The following PREP variants were observed in gnomAD, a reference collection of about 807,000 sequenced individuals.
The protein encoded by PREP is prolyl endopeptidase, also known as dJ355L5.1 (prolyl endopeptidase).
In PREP, 29 loss-of-function variants were observed where a neutral mutation model predicts 87.6. The observed-to-expected ratio is 0.33, with a 90% CI of 0.25 to 0.45. PREP has a LOEUF of 0.45. PREP is among the 20% of genes least tolerant of loss of function. PREP has a pLI of 1.00. For synonymous variants in PREP, 337 were observed against 328.6 expected (o/e 1.03, Z -0.28); for missense variants, 695 against 886.5 (o/e 0.78, Z 2.74).
At chr6:105,395,899 C>T (rs145710696) in intron 2 of PREP, among the ~76,000 whole-genome samples, 2 of 152,304 alleles carry the variant, frequency 1.3e-5, no homozygotes, top group East Asian at 3.9e-4. Context: ...TGCTTTCTAG[C>T]CAGTACAGGT....
At chr6:105,361,966 A>G (rs1318227999) in intron 6 of PREP, among the ~76,000 whole-genome samples, 2 of 152,228 alleles carry the variant, frequency 1.3e-5, no homozygotes, top group African/African-American at 4.8e-5. Flanking sequence ...AGTGTGGTAC[A>G]ACAGCAATAG....
Position 105,397,124 on chromosome 6 carries a change from G to T in PREP, c.120+729C>A, listed in dbSNP as rs186566438. ...TGCTTGAACCCAGGAGGCGGAGGTT[G>T]CAGTGAGCCAAGATCGCACCAGTGC... On this transcript the variant is annotated intron_variant, in intron 2 of 14. Transcript: ENST00000652536. 3.5e-3 allele frequency among the ~76,000 whole-genome samples: 519 copies of T among 149,874 alleles called. 4 individuals are homozygous for T. Among genetic ancestry groups the T allele is most frequent in the African/African-American group, 0.012 (493 of 40,090 alleles).
intron 2 of PREP, among the ~76,000 whole-genome samples, chr6:105,391,206 C>A (rs938657694): frequency 6.6e-6 from 1 of 151,822 alleles, no homozygotes; most frequent in Admixed American, 6.6e-5. Context: ...TATGGCAAAA[C>A]CCCGTCTCTA....
chr6:105,317,728 C>G (rs948709767), intron 10 of PREP, among the ~76,000 whole-genome samples: 1 of 152,142 alleles, frequency 6.6e-6, no homozygotes, highest in Non-Finnish European at 1.5e-5. Flanking sequence ...GCTGACTTAG[C>G]AGAGAATCAA....
intron 1 of PREP, among the ~76,000 whole-genome samples, chr6:105,398,412 T>C (rs1274790871): frequency 6.6e-6 from 1 of 152,190 alleles, no homozygotes; most frequent in Non-Finnish European, 1.5e-5. Flanking sequence ...ATGTCTAAAC[T>C]GCCAAAAAGC....
At chr6:105,317,439 G>C (rs1190062) in intron 10 of PREP, among the ~76,000 whole-genome samples, 4,540 of 152,218 alleles carry the variant, frequency 0.03, 212 homozygotes, top group African/African-American at 0.094. Flanking sequence ...TAGTTTCCTT[G>C]TCTGTAAAAT....
Position 105,295,157 on chromosome 6 carries a change from C to CT in PREP, c.1318-6264dup, listed in dbSNP as rs10586996. On this transcript the variant is annotated intron_variant, in intron 10 of 14. Transcript: ENST00000652536. ...TTCAAGAGTAGTTTCCAATGTTTTC[C>CT]TTTTTTTTTTTTTTTTATTTCTGAC... Among the ~76,000 whole-genome samples, 150 of 132,586 alleles carry CT rather than the reference C, an allele frequency of 1.1e-3. 1 individual carries two copies. Among genetic ancestry groups the CT allele is most frequent in the Non-Finnish European group, 2.1e-3 (126 of 60,248 alleles). The allele number at this position is 132,586 out of a possible 152,430, so 87.0% of individuals were successfully genotyped here. A position where few individuals can be genotyped will look rare whatever the true frequency, so the allele number is the denominator to read the frequency against.
chr6:105,399,206 G>A (rs1342909983), intron 1 of PREP, among the ~76,000 whole-genome samples: 1 of 152,144 alleles, frequency 6.6e-6, no homozygotes, highest in African/African-American at 2.4e-5. Context: ...AAGGCTTCTT[G>A]TATAAAGCTG....
chr6:105,312,521 A>C (rs1770778303), intron 10 of PREP, among the ~76,000 whole-genome samples: 2 of 152,178 alleles, frequency 1.3e-5, no homozygotes, highest in Admixed American at 1.3e-4. Context: ...AGAACTAACT[A>C]CCTCAGAGTA....
At chr6:105,322,386 T>C (rs1029124330) in intron 10 of PREP, 18 of 952,336 alleles carry the variant, frequency 1.9e-5, no homozygotes, top group Non-Finnish European at 2.0e-5. Context: ...AAACAGATAC[T>C]ATCAATCTCT....
At chr6:105,356,245 G>T (rs1328657658) in intron 6 of PREP, among the ~76,000 whole-genome samples, 1 of 152,168 alleles carries the variant, frequency 6.6e-6, no homozygotes, top group African/African-American at 2.4e-5. Flanking sequence ...GTTTTCAAAG[G>T]TTTGTTGGGT....
intron 9 of PREP, 24 bp downstream of exon 9, chr6:105,328,805 C>T: frequency 6.2e-7 from 1 of 1,609,862 alleles, no homozygotes. Context: ...TTAAAGTGAA[C>T]AGCAACAGTG....
chr6:105,306,535 C>A (rs1583046053), intron 10 of PREP, among the ~76,000 whole-genome samples: 2 of 152,132 alleles, frequency 1.3e-5, no homozygotes, highest in African/African-American at 4.8e-5. Context: ...ATGCTCACAG[C>A]CAATCCCAGC....
chr6:105,288,739 G>C lies in PREP; in HGVS notation c.1454+19C>G. The stretch of plus-strand genomic sequence containing the variant: ...GGAAAAGATAAAATACTGGCACTCT[G>C]AGTGCGTTCCGAGCTCACCTGTAGT... On this transcript the variant is annotated intron_variant, in intron 11 of 14. Coordinates refer to ENST00000652536, the MANE Select transcript of PREP (RefSeq NM_002726.5). 1 of 1,613,012 alleles carries C rather than the reference G, an allele frequency of 6.2e-7. No homozygotes were observed. Among genetic ancestry groups the C allele is most frequent in the Non-Finnish European group, 8.5e-7 (1 of 1,179,558 alleles).
At chr6:105,382,884 C>T (rs905323950) in intron 2 of PREP, among the ~76,000 whole-genome samples, 1 of 152,146 alleles carries the variant, frequency 6.6e-6, no homozygotes, top group Non-Finnish European at 1.5e-5. Context: ...GCATCTGTTA[C>T]AAATAACAGA....
intron 9 of PREP, among the ~76,000 whole-genome samples, chr6:105,327,508 G>C (rs747541918): frequency 1.7e-4 from 26 of 152,112 alleles, no homozygotes; most frequent in Admixed American, 3.3e-4. Flanking sequence ...CATTCTTTTG[G>C]TTTTAATAAC....
chr6:105,396,981 C>T (rs1202983565), intron 2 of PREP, among the ~76,000 whole-genome samples: 2 of 151,852 alleles, frequency 1.3e-5, no homozygotes, highest in African/African-American at 2.4e-5. Context: ...GCCAGGAGTT[C>T]GAGACCAGCC....
At chr6:105,323,168 C>G in intron 10 of PREP, 2 of 1,212,200 alleles carry the variant, frequency 1.6e-6, no homozygotes, top group African/African-American at 3.1e-5. Flanking sequence ...AAAGACGAAG[C>G]TTGTGGTGAC....
At chr6:105,329,191 C>T (rs1286033204) in intron 8 of PREP, among the ~76,000 whole-genome samples, 165 bp from the exon 9 acceptor site, 2 of 149,800 alleles carry the variant, frequency 1.3e-5, no homozygotes, top group Non-Finnish European at 3.0e-5. Flanking sequence ...CTTGCTGTGT[C>T]GCCCAGGCTT....
Sources: allele counts gnomAD v4.1 joint callset (sites outside exome capture counted in the v4.1 genomes callset), GRCh38; gene constraint gnomAD v4.1.1; transcripts MANE v1.5; gene names NCBI Gene and HGNC (gene_info 2026-07-23, HGNC 2026-07-21).